The following VWA8 variants were observed in gnomAD, a reference collection of about 807,000 sequenced individuals.
VWA8 encodes the protein von Willebrand factor A domain-containing protein 8.
A neutral mutation model predicts 241.5 loss-of-function variants in VWA8; 221 were observed. The ratio of observed to expected loss-of-function variants is 0.91; its 90% CI spans 0.82 to 1.02. VWA8 has a LOEUF of 1.02. VWA8 is among the 50% of genes least tolerant of loss of function. VWA8 has a pLI of 0.00. For missense variants in VWA8, 2,322 were observed against 2,328.7 expected (o/e 1.00, Z 0.06); for synonymous variants, 852 against 827.1 (o/e 1.03, Z -0.52).
At chr13:41,764,190 T>C (rs1382381307) in intron 20 of VWA8, among the ~76,000 whole-genome samples, 1 of 152,182 alleles carries the variant, frequency 6.6e-6, no homozygotes, top group Non-Finnish European at 1.5e-5. Context: ...TGCTAGAAGA[T>C]TTTTGATGGC....
At chr13:41,886,330 T>A (rs1276861844) in intron 7 of VWA8, among the ~76,000 whole-genome samples, 1 of 152,166 alleles carries the variant, frequency 6.6e-6, no homozygotes, top group Non-Finnish European at 1.5e-5. Flanking sequence ...CAAGAGTTTT[T>A]TATGGCCCTA....
intron 21 of VWA8, among the ~76,000 whole-genome samples, chr13:41,757,230 T>A (rs2045700700): frequency 6.6e-6 from 1 of 151,660 alleles, no homozygotes; most frequent in Admixed American, 6.6e-5. Context: ...TCCTGTAGGA[T>A]TATGTTTCTT....
At chr13:41,927,132 C>G in intron 2 of VWA8, 1 of 407,892 alleles carries the variant, frequency 2.5e-6, no homozygotes, top group African/African-American at 2.1e-5. Context: ...CAGGCCAAAG[C>G]CAAGGCCACA....
At chr13:41,785,007 T>C (rs1051163836) in intron 18 of VWA8, among the ~76,000 whole-genome samples, 10 of 151,700 alleles carry the variant, frequency 6.6e-5, no homozygotes, top group African/African-American at 2.2e-4. Context: ...AATAAAGCTC[T>C]TGAAATCAGG....
At chr13:41,622,856 G>A (rs1218855106) in intron 37 of VWA8, among the ~76,000 whole-genome samples, 1 of 152,222 alleles carries the variant, frequency 6.6e-6, no homozygotes, top group Non-Finnish European at 1.5e-5. Flanking sequence ...TGGAAGAAAA[G>A]TGAGCTTTTG....
At chr13:41,726,921 G>C (rs1407155110) in intron 24 of VWA8, among the ~76,000 whole-genome samples, 1 of 152,102 alleles carries the variant, frequency 6.6e-6, no homozygotes, top group Non-Finnish European at 1.5e-5. Flanking sequence ...CTTGAACCCG[G>C]GTGGCGGAAG....
Position 41,582,883 on chromosome 13 carries a change from C to T in VWA8, c.5271+4629G>A, listed in dbSNP as rs147418121. 3.6e-3 allele frequency among the ~76,000 whole-genome samples: 545 copies of T among 152,238 alleles called. 2 individuals carry two copies. Among genetic ancestry groups the T allele is most frequent in the African/African-American group, 0.012 (516 of 41,538 alleles). ...AGGGGGCGGGCAGTGGCTTACTCTTCACTCTTCCTCCTTTTATACCTGTTA... is the reference window on the plus strand; with the variant it reads ...AGGGGGCGGGCAGTGGCTTACTCTTTACTCTTCCTCCTTTTATACCTGTTA... On this transcript the variant is annotated intron_variant, in intron 42 of 44. Coordinates refer to ENST00000379310, the MANE Select transcript of VWA8 (RefSeq NM_015058.2).
At chr13:41,634,956 G>C (rs2044747730) in intron 37 of VWA8, among the ~76,000 whole-genome samples, 2 of 152,132 alleles carry the variant, frequency 1.3e-5, no homozygotes, top group Admixed American at 1.3e-4. Flanking sequence ...CATTTTATCA[G>C]GAATTAGAAG....
intron 21 of VWA8, among the ~76,000 whole-genome samples, chr13:41,732,461 G>A (rs2045492365): frequency 6.6e-6 from 1 of 151,286 alleles, no homozygotes. Context: ...ATTACCACCT[G>A]AGGGTGAAGA....
intron 40 of VWA8, among the ~76,000 whole-genome samples, chr13:41,597,212 T>C (rs1392456656): frequency 2.6e-5 from 4 of 152,148 alleles, no homozygotes; most frequent in Admixed American, 6.5e-5. Flanking sequence ...TAGCTCCCAT[T>C]ATTTTAACAT....
intron 35 of VWA8, among the ~76,000 whole-genome samples, chr13:41,679,914 G>C (rs1429082006): frequency 8.0e-6 from 1 of 124,776 alleles, no homozygotes; most frequent in African/African-American, 3.2e-5. Context: ...AGCTATTTCT[G>C]TGGTATTCAC....
Position 41,657,646 on chromosome 13 carries a change from C to T in VWA8, c.4611+13300G>A, listed in dbSNP as rs568450792. On this transcript the variant is annotated intron_variant, in intron 37 of 44. Transcript: ENST00000379310. Reference sequence around the variant, plus strand: ...CTGGGACTACAGGCGCCCGCCACCGCGCCCGGCTAATTTTTTGTATTTTTA... The same window carrying T: ...CTGGGACTACAGGCGCCCGCCACCGTGCCCGGCTAATTTTTTGTATTTTTA... Among the ~76,000 whole-genome samples, 52 of 152,050 alleles carry T rather than the reference C, an allele frequency of 3.4e-4. 1 individual carries two copies. Among genetic ancestry groups the T allele is most frequent in the African/African-American group, 9.4e-4 (39 of 41,510 alleles).
intron 12 of VWA8, among the ~76,000 whole-genome samples, chr13:41,858,668 C>G (rs866407147): frequency 1.3e-5 from 2 of 151,634 alleles, no homozygotes; most frequent in South Asian, 4.2e-4. Context: ...CCTTGGTAAG[C>G]CTGAGATTTG....
intron 37 of VWA8, among the ~76,000 whole-genome samples, chr13:41,625,269 G>GA (rs1253265390): frequency 2.0e-5 from 3 of 152,072 alleles, no homozygotes; most frequent in Non-Finnish European, 4.4e-5. Context: ...CACAGCAAGA[G>GA]AAACTACCAT....
rs772063417 is a variant in VWA8 at position 41,701,567 on chromosome 13, G to A, written c.3226-37C>T. 6 of 1,491,868 alleles carry A rather than the reference G, an allele frequency of 4.0e-6. No individual in the cohort carries two copies. In the African/African-American group the frequency reaches 5.7e-5, roughly 14 times the overall value. The allele number at this position is 1,491,868 out of a possible 1,614,324, so 92.4% of individuals were successfully genotyped here. ...CAGTTATCTCAGTTAAGATATTTTG[G>A]TTGTCACCAAAATGTAGAAAAGCTA... On this transcript the variant is annotated intron_variant, in intron 27 of 44. Transcript: ENST00000379310.
chr13:41,600,029 C>A (rs1314779664), intron 40 of VWA8, among the ~76,000 whole-genome samples: 1 of 152,080 alleles, frequency 6.6e-6, no homozygotes, highest in Admixed American at 6.6e-5. Context: ...TCTTTTCCTG[C>A]CTTTCTAATC....
intron 1 of VWA8, among the ~76,000 whole-genome samples, chr13:41,953,219 G>C (rs114014521): frequency 2.0e-5 from 3 of 152,222 alleles, no homozygotes; most frequent in African/African-American, 4.8e-5. Context: ...CAAAGACCAA[G>C]TATAGACGTA....
At chr13:41,641,537 A>C (rs868849621) in intron 37 of VWA8, among the ~76,000 whole-genome samples, 1 of 151,766 alleles carries the variant, frequency 6.6e-6, no homozygotes, top group African/African-American at 2.4e-5. Context: ...TGGAATTCTG[A>C]CTCTCCATAT....
Position 41,865,823 on chromosome 13 carries a change from GA to G in VWA8, c.1348-11del. On this transcript the variant is annotated splice_polypyrimidine_tract_variant and intron_variant, in intron 11 of 44. Coordinates refer to ENST00000379310, the MANE Select transcript of VWA8 (RefSeq NM_015058.2). Reference sequence around the variant, plus strand: ...CTGTTTTTCCACAACCCTACAAATGGAAAAAATTATTCAAGAGGTAAGTCAA... The same window carrying G: ...CTGTTTTTCCACAACCCTACAAATGGAAAAATTATTCAAGAGGTAAGTCAA... The G allele has an allele frequency of 1.9e-6, 3 of 1,613,984 alleles. No homozygotes were observed. Among genetic ancestry groups the G allele is most frequent in the Non-Finnish European group, 2.5e-6 (3 of 1,179,986 alleles).
Sources: allele counts gnomAD v4.1 joint callset (sites outside exome capture counted in the v4.1 genomes callset), GRCh38; gene constraint gnomAD v4.1.1; transcripts MANE v1.5; gene names NCBI Gene and HGNC (gene_info 2026-07-23, HGNC 2026-07-21).